The following FAM161A variants were observed in gnomAD, a reference collection of about 807,000 sequenced individuals.
The protein encoded by FAM161A is FAM161 centrosomal protein A.
A neutral mutation model predicts 70.9 loss-of-function variants in FAM161A; 57 were observed. The ratio of observed to expected loss-of-function variants is 0.80; its 90% CI spans 0.65 to 1.00. The LOEUF (loss-of-function observed/expected upper bound fraction) is 1.00, where lower values mean the gene tolerates loss of function less well. Among genes scored for constraint, FAM161A ranks in the 50% least tolerant of loss-of-function variants. FAM161A has a pLI of 0.00. For synonymous variants in FAM161A, 299 were observed against 295.7 expected (o/e 1.01, Z -0.12); for missense variants, 880 against 836.0 (o/e 1.05, Z -0.65).
chr2:61,835,468 TA>T (rs200941337), intron 5 of FAM161A: 24,596 of 148,486 alleles, frequency 0.17, 2,131 homozygotes, highest in Middle Eastern at 0.22. Flanking sequence ...CAGACTCACT[TA>T]AAAAAAAAAA....
chr2:61,831,111 CAAAA>C (rs11366022), intron 5 of FAM161A, among the ~76,000 whole-genome samples: 5 of 108,508 alleles, frequency 4.6e-5, no homozygotes, highest in Non-Finnish European at 3.8e-5. Flanking sequence ...GACGCCTTCT[CAAAA>C]AAAAAAAAAA....
At chr2:61,827,030 A>T in intron 6 of FAM161A, 74 bp downstream of exon 6, 1 of 1,368,176 alleles carries the variant, frequency 7.3e-7, no homozygotes, top group South Asian at 1.2e-5. Context: ...AAATATACAT[A>T]GTATAAAATT....
At chr2:61,852,669 G>A (rs1673536980) in intron 1 of FAM161A, among the ~76,000 whole-genome samples, 1 of 152,186 alleles carries the variant, frequency 6.6e-6, no homozygotes, top group Non-Finnish European at 1.5e-5. Context: ...CTAGCACTCT[G>A]ATCCTGGTTC....
At chr2:61,831,344 G>T (rs1672568713) in intron 5 of FAM161A, among the ~76,000 whole-genome samples, 1 of 151,564 alleles carries the variant, frequency 6.6e-6, no homozygotes, top group Admixed American at 6.6e-5. Context: ...GTATTCCCAG[G>T]TTATGTACCT....
the FAM161A span, among the ~76,000 whole-genome samples, chr2:61,816,527 C>A: frequency 5.4e-4 from 82 of 152,250 alleles, no homozygotes; most frequent in African/African-American, 1.8e-3. Flanking sequence ...GTGGTGCAAT[C>A]TCTGCCCACT....
chr2:61,808,139 A>G, the FAM161A span, among the ~76,000 whole-genome samples: 1 of 152,220 alleles, frequency 6.6e-6, no homozygotes, highest in African/African-American at 2.4e-5. Flanking sequence ...CTGTCTGCCA[A>G]TCTCTGAGGG....
At chr2:61,801,257 G>T in the FAM161A span, among the ~76,000 whole-genome samples, 1 of 151,872 alleles carries the variant, frequency 6.6e-6, no homozygotes, top group Non-Finnish European at 1.5e-5. Context: ...CAGCACTTTG[G>T]GAGGCTGAGG....
the FAM161A span, among the ~76,000 whole-genome samples, chr2:61,806,802 C>T: frequency 8.8e-5 from 13 of 148,432 alleles, no homozygotes; most frequent in Non-Finnish European, 1.3e-4. Context: ...ACACCATTCT[C>T]CTGCCTCAGC....
chr2:61,825,815 T>A lies in FAM161A; in HGVS notation c.*640A>T. 2.3e-6 allele frequency: 1 copy of A among 427,848 alleles called. No homozygotes were observed. The highest frequency in any genetic ancestry group is 4.6e-6 in the Non-Finnish European group (1 of 216,246). 26.5% of individuals were successfully genotyped at this position (427,848 alleles called of 1,614,324 possible). A position where few individuals can be genotyped will look rare whatever the true frequency, so the allele number is the denominator to read the frequency against. ...ACCACGCCTGGCTAATTTTTTGTAT[T>A]TTTAGTAGAGACGGGGTTTCATCGT... On this transcript the variant is annotated 3_prime_UTR_variant, in exon 7 of 7. Transcript: ENST00000404929.
intron 5 of FAM161A, among the ~76,000 whole-genome samples, chr2:61,834,269 T>C (rs36026101): frequency 0.37 from 55,743 of 151,854 alleles, 10,910 homozygotes; most frequent in East Asian, 0.68. Flanking sequence ...CCAAACATCA[T>C]ATGTTCTCAC....
intron 1 of FAM161A, among the ~76,000 whole-genome samples, chr2:61,847,330 T>G (rs1453751685): frequency 6.6e-6 from 1 of 152,172 alleles, no homozygotes; most frequent in Non-Finnish European, 1.5e-5. Context: ...GACTCTCCTA[T>G]TTAAAATTAC....
rs1182339752 is a variant in FAM161A, at chr2:61,840,050, A to G, written c.954T>C (p.Leu318=). ...ATTTAAATGGCTTTTGTGAGGCCAAAAGAGCTTCTTTGCTTTTCTCCTTCA... is the reference window on the plus strand; with the variant it reads ...ATTTAAATGGCTTTTGTGAGGCCAAGAGAGCTTCTTTGCTTTTCTCCTTCA... ...RSLKEKSKEA[L]LASQKPFKFI... Residue 318 remains leucine (L), a synonymous_variant, in exon 3 of 7, where the codon CTT becomes CTC. Coordinates refer to ENST00000404929, the MANE Select transcript of FAM161A (RefSeq NM_001201543.2). The G allele has an allele frequency of 6.2e-7, 1 of 1,614,148 alleles. No homozygotes were observed. The highest frequency in any genetic ancestry group is 1.1e-5 in the South Asian group (1 of 91,080).
At position 61,840,052 on chromosome 2, in the gene FAM161A, G is replaced by T. The variant is rs1243033701; in HGVS notation, c.952C>A (p.Leu318Ile). ...TTAAATGGCTTTTGTGAGGCCAAAA[G>T]AGCTTCTTTGCTTTTCTCCTTCAGA... ...RSLKEKSKEALLASQKPFKFI... is the reference protein window; with the variant it reads ...RSLKEKSKEAILASQKPFKFI... The change falls in exon 3 of 7, where the codon CTT becomes ATT. Residue 318 changes from leucine to isoleucine, a missense_variant. Transcript: ENST00000404929. 3 of 1,614,036 alleles carry T rather than the reference G, an allele frequency of 1.9e-6. No homozygotes were observed. The highest frequency in any genetic ancestry group is 1.7e-5 in the Admixed American group (1 of 60,000).
In FAM161A at chr2:61,836,113, A is replaced by C. The variant is rs541088489; in HGVS notation, c.1752-4T>G. 1.4e-5 allele frequency: 22 copies of C among 1,586,052 alleles called. No individual in the cohort carries two copies. Among genetic ancestry groups the C allele is most frequent in the Non-Finnish European group, 1.6e-5 (19 of 1,157,804 alleles). ...CATCCTTTCCTTTTCGCTCTTTCTA[A>C]AATTAAAGAAAAGCAATGGAATTTT... On this transcript the variant is annotated splice_polypyrimidine_tract_variant and splice_region_variant and intron_variant, in intron 4 of 6. Coordinates refer to ENST00000404929, the MANE Select transcript of FAM161A (RefSeq NM_001201543.2).
rs1673049913 is a variant in FAM161A, at chr2:61,842,365, T to G, written c.184-5A>C. The G allele has an allele frequency of 6.5e-7, 1 of 1,535,232 alleles. No individual in the cohort carries two copies. The highest frequency in any genetic ancestry group is 2.0e-5 in the Admixed American group (1 of 51,140). ...AAAGCTGGTGTTCAAATCAGCCTGG[T>G]GGGGAGAAAACACTTGATATATAGT... On this transcript the variant is annotated splice_region_variant and splice_polypyrimidine_tract_variant and intron_variant, in intron 1 of 6. Coordinates refer to ENST00000404929, the MANE Select transcript of FAM161A (RefSeq NM_001201543.2).
At chr2:61,827,365 C>T (rs1402472173) in intron 5 of FAM161A, 107 bp from the exon 6 acceptor site, 2 of 1,074,282 alleles carry the variant, frequency 1.9e-6, no homozygotes, top group Non-Finnish European at 2.8e-6. Context: ...AATCCCAGTG[C>T]TTTGGGAGGC....
At chr2:61,815,559 TTTTTTTTTTG>T in the FAM161A span, among the ~76,000 whole-genome samples, 10 of 126,708 alleles carry the variant, frequency 7.9e-5, no homozygotes, top group African/African-American at 8.7e-5. Flanking sequence ...TTTTTTTTTT[TTTTTTTTTTG>T]AGATGGAGTC....
At position 61,840,211 on chromosome 2, in the gene FAM161A, C is replaced by T. The variant is rs756025043; in HGVS notation, c.793G>A (p.Val265Ile). ...TCTTGTTTTTTGAGCGCTTTATGTA[C>T]CATTTCGATATCTGATTTAGATTTC... Reference protein sequence around the residue: ...SMKSKSDIEMVHKALKKQEED... With the variant: ...SMKSKSDIEMIHKALKKQEED... Residue 265 changes from valine (V) to isoleucine (I), a missense_variant, in exon 3 of 7, where the codon GTA becomes ATA. Transcript: ENST00000404929. 6.2e-7 allele frequency: 1 copy of T among 1,613,708 alleles called. No individual in the cohort carries two copies. Among genetic ancestry groups the T allele is most frequent in the Non-Finnish European group, 8.5e-7 (1 of 1,179,992 alleles).
At chr2:61,846,994 T>C (rs1457118870) in intron 1 of FAM161A, 5 of 312,736 alleles carry the variant, frequency 1.6e-5, no homozygotes, top group Non-Finnish European at 2.4e-5. Context: ...TGAAACCCCA[T>C]CTCTACTAAA....
Sources: gnomAD v4.1 joint callset for allele counts (sites outside exome capture counted in the v4.1 genomes callset) on GRCh38, gnomAD v4.1.1 for gene constraint, MANE v1.5 for transcripts, NCBI Gene and HGNC (gene_info 2026-07-23, HGNC 2026-07-21) for gene names.